LHFPL3: variants seen among roughly 807,000 people sequenced by gnomAD.
LHFPL3 encodes the protein LHFPL tetraspan subfamily member 3.
In LHFPL3, 5 loss-of-function variants were observed where a neutral mutation model predicts 19.3. The ratio of observed to expected loss-of-function variants is 0.26; its 90% confidence interval spans 0.14 to 0.54. The LOEUF (loss-of-function observed/expected upper bound fraction) is 0.54, where lower values mean the gene tolerates loss of function less well. Among genes scored for constraint, LHFPL3 ranks in the 20% least tolerant of loss-of-function variants. The pLI is 0.94. For missense variants in LHFPL3, 249 were observed against 307.4 expected (o/e 0.81, Z 1.42); for synonymous variants, 133 against 126.2 (o/e 1.05, Z -0.36).
At position 104,793,094 on chromosome 7, in the gene LHFPL3, C is replaced by G. The variant is rs183687132; in HGVS notation, c.682+56183C>G. 3.5e-3 allele frequency among the ~76,000 whole-genome samples: 531 copies of G among 152,286 alleles called. 3 individuals are homozygous for G. The highest frequency in any genetic ancestry group is 0.012 in the African/African-American group (494 of 41,558). ...TATTTTTGGTAGAGACGGGGTTCCA[C>G]CTTGTTGGCTAGGCTGTTCTCAAAC... On this transcript the variant is annotated intron_variant, in intron 2 of 2. Transcript: ENST00000424859.
In LHFPL3 at chr7:104,355,608, G is replaced by A. The variant is rs140837246; in HGVS notation, c.445+26384G>A. On this transcript the variant is annotated intron_variant, in intron 1 of 2. Transcript: ENST00000424859. Reference sequence around the variant, plus strand: ...GTCTGTTAAACTATAGCTTAGACATGGCCTTCTACTCACTACAGTTTCTAA... The same window carrying A: ...GTCTGTTAAACTATAGCTTAGACATAGCCTTCTACTCACTACAGTTTCTAA... Among the ~76,000 whole-genome samples, 523 of 152,196 alleles carry A rather than the reference G, an allele frequency of 3.4e-3. 3 individuals carry two copies. Among genetic ancestry groups the A allele is most frequent in the African/African-American group, 0.012 (488 of 41,514 alleles).
chr7:104,439,793 A>T (rs192867088), intron 1 of LHFPL3, among the ~76,000 whole-genome samples: 27 of 152,288 alleles, frequency 1.8e-4, no homozygotes, highest in African/African-American at 2.9e-4. Context: ...CAAAACAAGG[A>T]TGTCTACTTT....
rs765789573 is a variant in LHFPL3, at chr7:104,908,518, G to A, written c.*2303G>A. Among the ~76,000 whole-genome samples, 3 of 152,034 alleles carry A rather than the reference G, an allele frequency of 2.0e-5. No individual in the cohort carries two copies. The highest frequency in any genetic ancestry group is 4.8e-5 in the African/African-American group (2 of 41,398). ...AATTTGTTGGAATACCTGAATTTCT[G>A]TAAAAAAATAAAAATAAAAATAAGA... On this transcript the variant is annotated 3_prime_UTR_variant, in exon 3 of 3. Coordinates refer to ENST00000424859, the MANE Select transcript of LHFPL3 (RefSeq NM_199000.3).
At chr7:104,839,027 C>T (rs763730069) in intron 2 of LHFPL3, among the ~76,000 whole-genome samples, 1 of 152,050 alleles carries the variant, frequency 6.6e-6, no homozygotes, top group Non-Finnish European at 1.5e-5. Context: ...ATATTCTGAC[C>T]CCAGAGTAGA....
At chr7:104,634,413 G>A (rs1031839442) in intron 1 of LHFPL3, among the ~76,000 whole-genome samples, 2 of 152,018 alleles carry the variant, frequency 1.3e-5, no homozygotes, top group African/African-American at 4.8e-5. Context: ...ATTTGTATTA[G>A]GACCCCACCC....
intron 2 of LHFPL3, among the ~76,000 whole-genome samples, chr7:104,836,881 C>T (rs1791107321): frequency 6.6e-6 from 1 of 152,134 alleles, no homozygotes; most frequent in Non-Finnish European, 1.5e-5. Context: ...TCTCTGACGA[C>T]AAATGAAAAT....
At chr7:104,411,103 T>G (rs182305186) in intron 1 of LHFPL3, among the ~76,000 whole-genome samples, 72 of 152,346 alleles carry the variant, frequency 4.7e-4, no homozygotes, top group Admixed American at 3.7e-3. Context: ...CGTATTTTAA[T>G]TAAAAGATAA....
intron 2 of LHFPL3, among the ~76,000 whole-genome samples, chr7:104,879,433 A>T (rs1351181443): frequency 1.3e-5 from 2 of 152,050 alleles, no homozygotes; most frequent in African/African-American, 4.8e-5. Context: ...AAAAATTTTA[A>T]GGTGGACTAG....
intron 2 of LHFPL3, chr7:104,796,866 G>A (rs1306152972): frequency 6.6e-6 from 1 of 152,562 alleles, no homozygotes; most frequent in Non-Finnish European, 1.5e-5. Flanking sequence ...CCTGAGACTG[G>A]GTCTCCTGTT....
At chr7:104,550,797 T>C (rs1015083880) in intron 1 of LHFPL3, among the ~76,000 whole-genome samples, 2 of 152,222 alleles carry the variant, frequency 1.3e-5, no homozygotes, top group Non-Finnish European at 2.9e-5. Flanking sequence ...ATCATTTTTA[T>C]GATTTTAAAC....
chr7:104,820,269 G>A (rs533483937), intron 2 of LHFPL3, among the ~76,000 whole-genome samples: 2 of 152,190 alleles, frequency 1.3e-5, no homozygotes, highest in Non-Finnish European at 2.9e-5. Context: ...ATGAAAGGGT[G>A]AGCAGAGTGC....
intron 1 of LHFPL3, among the ~76,000 whole-genome samples, chr7:104,562,052 G>A (rs1292371070): frequency 3.3e-5 from 5 of 151,916 alleles, no homozygotes; most frequent in East Asian, 1.9e-4. Context: ...TGAGAGATCC[G>A]CTGTTAGTCT....
At position 104,354,170 on chromosome 7, in the gene LHFPL3, C is replaced by T. The variant is rs62486506; in HGVS notation, c.445+24946C>T. On this transcript the variant is annotated intron_variant, in intron 1 of 2. Coordinates refer to ENST00000424859, the MANE Select transcript of LHFPL3 (RefSeq NM_199000.3). ...TTTGTTTATTTTTAAACTGTTTCCA[C>T]GCAGTGCTAGGTTTTGAAGCTCCAC... 3.4e-3 allele frequency among the ~76,000 whole-genome samples: 513 copies of T among 152,280 alleles called. 2 individuals carry two copies. Among genetic ancestry groups the T allele is most frequent in the African/African-American group, 0.012 (488 of 41,544 alleles).
At chr7:104,340,344 G>C (rs939288416) in intron 1 of LHFPL3, among the ~76,000 whole-genome samples, 1 of 152,092 alleles carries the variant, frequency 6.6e-6, no homozygotes, top group South Asian at 2.1e-4. Flanking sequence ...AGAAAAACTA[G>C]AAAGACGAGT....
chr7:104,856,852 A>G (rs571066599), intron 2 of LHFPL3, among the ~76,000 whole-genome samples: 81 of 152,302 alleles, frequency 5.3e-4, no homozygotes, highest in African/African-American at 1.9e-3. Flanking sequence ...GGTTCTGTAC[A>G]TTAACTGATC....
At chr7:104,709,083 T>C (rs1168175618) in intron 1 of LHFPL3, among the ~76,000 whole-genome samples, 1 of 152,106 alleles carries the variant, frequency 6.6e-6, no homozygotes, top group Non-Finnish European at 1.5e-5. Context: ...TGCTCTAAAG[T>C]TCAACAACAA....
chr7:104,622,259 G>C (rs566361570), intron 1 of LHFPL3, among the ~76,000 whole-genome samples: 2 of 151,992 alleles, frequency 1.3e-5, no homozygotes, highest in African/African-American at 4.8e-5. Context: ...ACAGGCATGG[G>C]CCACCACACT....
intron 1 of LHFPL3, among the ~76,000 whole-genome samples, chr7:104,545,387 A>G: frequency 6.6e-6 from 1 of 152,146 alleles, no homozygotes; most frequent in East Asian, 1.9e-4. Context: ...AATCATTCCC[A>G]GGTTCCTGCA....
intron 1 of LHFPL3, among the ~76,000 whole-genome samples, chr7:104,478,395 G>T (rs1793067954): frequency 1.3e-5 from 2 of 152,074 alleles, no homozygotes; most frequent in Non-Finnish European, 2.9e-5. Flanking sequence ...GGCTCTTGGG[G>T]GTAGTTTTGA....
Sources: gnomAD v4.1 joint callset for allele counts (sites outside exome capture counted in the v4.1 genomes callset) on GRCh38, gnomAD v4.1.1 for gene constraint, MANE v1.5 for transcripts, NCBI Gene and HGNC (gene_info 2026-07-23, HGNC 2026-07-21) for gene names.